The following CNTN5 variants were observed in gnomAD, a reference collection of about 807,000 sequenced individuals.
CNTN5 encodes contactin 5, also known as contactin-5.
In CNTN5, 77 loss-of-function variants were observed where a neutral mutation model predicts 129.1. The observed-to-expected ratio is 0.60, with a 90% CI of 0.50 to 0.72. The LOEUF (loss-of-function observed/expected upper bound fraction) is 0.72. CNTN5 is among the 30% of genes least tolerant of loss of function. The pLI, the probability that CNTN5 is intolerant of heterozygous loss-of-function variation, is 0.00. For missense variants in CNTN5, 1,478 were observed against 1,328.8 expected (o/e 1.11, Z -1.75); for synonymous variants, 509 against 465.6 (o/e 1.09, Z -1.20).
At chr11:99,023,595 C>G (rs10501895) in intron 1 of CNTN5, among the ~76,000 whole-genome samples, 4,999 of 152,246 alleles carry the variant, frequency 0.033, 286 homozygotes, top group African/African-American at 0.11. Flanking sequence ...GATGATTTGA[C>G]TGTAGAGAGT....
rs191671769 is a variant in CNTN5, at chr11:99,426,334, T to A, written c.-71+100850T>A. 2.2e-3 allele frequency among the ~76,000 whole-genome samples: 335 copies of A among 152,256 alleles called. 5 individuals carry two copies. The highest frequency in any genetic ancestry group is 8.4e-4 in the Non-Finnish European group (57 of 68,018). On this transcript the variant is annotated intron_variant, in intron 2 of 24. Coordinates refer to ENST00000524871, the MANE Select transcript of CNTN5 (RefSeq NM_014361.4). ...AAATAAGTCATTCATTTATCCAAAG[T>A]GGTAATACAAATATTTCCAAAAAAA...
intron 3 of CNTN5, among the ~76,000 whole-genome samples, chr11:99,816,626 C>T (rs965514909): frequency 2.0e-5 from 3 of 152,186 alleles, no homozygotes; most frequent in Non-Finnish European, 4.4e-5. Context: ...CCAATCTTTG[C>T]CTATATTACA....
intron 2 of CNTN5, among the ~76,000 whole-genome samples, chr11:99,374,309 T>C (rs1205327203): frequency 6.6e-6 from 1 of 152,208 alleles, no homozygotes; most frequent in Non-Finnish European, 1.5e-5. Flanking sequence ...TTTGACTAAA[T>C]GAACAGCACA....
intron 1 of CNTN5, among the ~76,000 whole-genome samples, chr11:99,154,130 G>T (rs1377598823): frequency 6.6e-6 from 1 of 152,150 alleles, no homozygotes; most frequent in Non-Finnish European, 1.5e-5. Context: ...GCTTGCATGT[G>T]CCAGCAATTG....
intron 1 of CNTN5, among the ~76,000 whole-genome samples, chr11:99,126,198 G>A (rs1295304519): frequency 2.6e-5 from 4 of 152,038 alleles, no homozygotes; most frequent in South Asian, 2.1e-4. Flanking sequence ...CTCAATAACC[G>A]AATGATCTTC....
intron 13 of CNTN5, among the ~76,000 whole-genome samples, chr11:100,101,730 C>G (rs1945231389): frequency 6.6e-6 from 1 of 152,070 alleles, no homozygotes; most frequent in South Asian, 2.1e-4. Context: ...GCTCACCCCA[C>G]TCCCAGACTT....
At chr11:100,290,630 G>A (rs1345485544) in intron 18 of CNTN5, among the ~76,000 whole-genome samples, 23 of 143,484 alleles carry the variant, frequency 1.6e-4, no homozygotes, top group Admixed American at 9.8e-4. Flanking sequence ...AGACTTAAAC[G>A]TTAGACCTAA....
intron 2 of CNTN5, among the ~76,000 whole-genome samples, chr11:99,536,581 C>A (rs1947907178): frequency 6.6e-6 from 1 of 151,966 alleles, no homozygotes; most frequent in Non-Finnish European, 1.5e-5. Flanking sequence ...AAGGACTTCA[C>A]AATTTGCAGA....
chr11:99,263,667 A>G (rs1862749354), intron 1 of CNTN5, among the ~76,000 whole-genome samples: 1 of 152,008 alleles, frequency 6.6e-6, no homozygotes, highest in African/African-American at 2.4e-5. Context: ...CCCAGATGGG[A>G]GGGCAGTGGT....
intron 13 of CNTN5, among the ~76,000 whole-genome samples, chr11:100,175,211 A>G (rs949394134): frequency 1.3e-5 from 2 of 152,068 alleles, no homozygotes; most frequent in African/African-American, 4.8e-5. Flanking sequence ...AATTCAGTAC[A>G]AATTTGGGAA....
intron 3 of CNTN5, among the ~76,000 whole-genome samples, chr11:99,652,556 T>C (rs570072818): frequency 1.3e-5 from 2 of 152,162 alleles, no homozygotes; most frequent in South Asian, 4.1e-4. Context: ...ATTTGAATCT[T>C]ACAAGGCTGT....
chr11:99,537,266 G>A (rs907908946), intron 2 of CNTN5, among the ~76,000 whole-genome samples: 1 of 152,082 alleles, frequency 6.6e-6, no homozygotes, highest in Non-Finnish European at 1.5e-5. Context: ...TATTCATACA[G>A]AATTTTTTGA....
At chr11:99,043,915 G>T (rs1052602874) in intron 1 of CNTN5, among the ~76,000 whole-genome samples, 1 of 152,102 alleles carries the variant, frequency 6.6e-6, no homozygotes, top group Non-Finnish European at 1.5e-5. Context: ...GTGGATGTTC[G>T]ATGTTAAATG....
At chr11:99,122,475 G>A (rs1322224688) in intron 1 of CNTN5, among the ~76,000 whole-genome samples, 2 of 151,990 alleles carry the variant, frequency 1.3e-5, no homozygotes, top group Non-Finnish European at 2.9e-5. Flanking sequence ...TATTAATTAT[G>A]TACCAGTATA....
chr11:100,291,751 TAATAAATA>T (rs201648211), intron 18 of CNTN5, among the ~76,000 whole-genome samples: 1,956 of 123,682 alleles, frequency 0.016, 35 homozygotes, highest in African/African-American at 0.05. Context: ...TAAAGTATAA[TAATAAATA>T]AATAAATAAA....
At chr11:99,640,748 C>T (rs908181108) in intron 3 of CNTN5, among the ~76,000 whole-genome samples, 1 of 152,156 alleles carries the variant, frequency 6.6e-6, no homozygotes, top group Non-Finnish European at 1.5e-5. Flanking sequence ...ATGTAGTAAG[C>T]TGTACTACCT....
intron 7 of CNTN5, among the ~76,000 whole-genome samples, chr11:99,944,897 C>A (rs1280243007): frequency 6.6e-6 from 1 of 151,916 alleles, no homozygotes; most frequent in Non-Finnish European, 1.5e-5. Flanking sequence ...ACTCTTAAAA[C>A]CTTCTTTGAG....
At chr11:99,993,823 T>C (rs757119333) in intron 8 of CNTN5, among the ~76,000 whole-genome samples, 4 of 152,148 alleles carry the variant, frequency 2.6e-5, no homozygotes, top group Non-Finnish European at 5.9e-5. Flanking sequence ...CACTGAATAT[T>C]ATCATTTGTT....
At chr11:99,333,269 A>G (rs1278633462) in intron 2 of CNTN5, among the ~76,000 whole-genome samples, 2 of 152,180 alleles carry the variant, frequency 1.3e-5, no homozygotes, top group South Asian at 2.1e-4. Context: ...AAAGAAACAC[A>G]TTTTTGGATC....
Sources: allele counts gnomAD v4.1 joint callset (sites outside exome capture counted in the v4.1 genomes callset), GRCh38; gene constraint gnomAD v4.1.1; transcripts MANE v1.5; gene names NCBI Gene and HGNC (gene_info 2026-07-23, HGNC 2026-07-21).